Variants in NBEA observed in about 807,000 individuals in gnomAD.
The protein encoded by NBEA is lysosomal-trafficking regulator 2.
Under a neutral mutation model 343.4 loss-of-function variants are expected in NBEA, and 44 were observed. The observed-to-expected ratio is 0.13, with a 90% CI of 0.10 to 0.16. NBEA has a LOEUF of 0.16. Among genes scored for constraint, NBEA ranks in the 10% least tolerant of loss-of-function variants. NBEA has a pLI of 1.00. For missense variants in NBEA, 2,555 were observed against 3,631.3 expected, an observed-to-expected ratio of 0.70 and a Z score of 7.62; for synonymous variants, 1,175 against 1,238.7, an observed-to-expected ratio of 0.95 and a Z score of 1.08.
chr13:35,501,778 C>T (rs2076896156), intron 41 of NBEA, among the ~76,000 whole-genome samples: 1 of 151,994 alleles, frequency 6.6e-6, no homozygotes, highest in Non-Finnish European at 1.5e-5. Flanking sequence ...CTATACATTC[C>T]ATGCCAAGTT....
At chr13:35,386,332 G>A (rs1012876082) in intron 38 of NBEA, among the ~76,000 whole-genome samples, 6 of 152,022 alleles carry the variant, frequency 3.9e-5, no homozygotes, top group Admixed American at 3.3e-4. Context: ...ATTTTCATCC[G>A]TACATTTGTG....
intron 40 of NBEA, among the ~76,000 whole-genome samples, chr13:35,460,683 A>C (rs1430558772): frequency 6.6e-6 from 1 of 152,230 alleles, no homozygotes; most frequent in Non-Finnish European, 1.5e-5. Context: ...AGGTACTCTT[A>C]ATTGTAACAA....
At chr13:34,974,108 G>T (rs1431976164) in intron 1 of NBEA, among the ~76,000 whole-genome samples, 3 of 152,176 alleles carry the variant, frequency 2.0e-5, no homozygotes, top group African/African-American at 4.8e-5. Flanking sequence ...TTCACTTGGT[G>T]GGGGAGGTTC....
At chr13:35,519,750 T>G (rs1176730440) in intron 41 of NBEA, among the ~76,000 whole-genome samples, 2 of 152,236 alleles carry the variant, frequency 1.3e-5, no homozygotes, top group Non-Finnish European at 2.9e-5. Context: ...GGATATTACC[T>G]GAAGCATTTA....
intron 35 of NBEA, among the ~76,000 whole-genome samples, chr13:35,308,438 C>CTATATATA (rs5802761): frequency 6.7e-5 from 6 of 88,988 alleles, no homozygotes; most frequent in African/African-American, 1.9e-4. Context: ...CTGCTATTTA[C>CTATATATA]TATATATATA....
intron 38 of NBEA, among the ~76,000 whole-genome samples, chr13:35,376,754 G>A (rs2152888218): frequency 6.6e-6 from 1 of 152,226 alleles, no homozygotes; most frequent in East Asian, 1.9e-4. Context: ...ACTGTTGAAG[G>A]AGAAGGAGAT....
intron 27 of NBEA, among the ~76,000 whole-genome samples, chr13:35,174,844 G>C (rs1421680628): frequency 2.0e-5 from 3 of 151,456 alleles, no homozygotes; most frequent in Non-Finnish European, 4.4e-5. Flanking sequence ...CCAGGGTGGA[G>C]TGGAGTGGCA....
intron 10 of NBEA, among the ~76,000 whole-genome samples, chr13:35,091,473 A>G (rs752229958): frequency 6.6e-6 from 1 of 152,006 alleles, no homozygotes; most frequent in African/African-American, 2.4e-5. Flanking sequence ...AATGAAAGTC[A>G]TACAGATTAT....
intron 17 of NBEA, among the ~76,000 whole-genome samples, chr13:35,124,633 C>CATATATATGGATATACAT (rs2066995082): frequency 1.2e-5 from 1 of 81,676 alleles, no homozygotes; most frequent in Non-Finnish European, 3.6e-5. Flanking sequence ...GATATACATA[C>CATATATATGGATATACAT]ACACACATAT....
At chr13:35,508,950 T>G (rs59889208) in intron 41 of NBEA, among the ~76,000 whole-genome samples, 6,604 of 152,188 alleles carry the variant, frequency 0.043, 514 homozygotes, top group African/African-American at 0.15. Context: ...CATGCCCTAA[T>G]GGGAAAGGAA....
chr13:35,386,754 C>T (rs117104547), intron 38 of NBEA, among the ~76,000 whole-genome samples: 4,496 of 152,160 alleles, frequency 0.03, 102 homozygotes, highest in Non-Finnish European at 0.045. Flanking sequence ...ATTTTCTAAA[C>T]CTCTGTTTAA....
intron 47 of NBEA, among the ~76,000 whole-genome samples, chr13:35,605,448 A>G (rs528999920): frequency 6.6e-6 from 1 of 152,288 alleles, no homozygotes; most frequent in African/African-American, 2.4e-5. Flanking sequence ...TTTTCTATGC[A>G]TCCCTAGAAA....
At chr13:35,031,024 G>C (rs1308278915) in intron 1 of NBEA, among the ~76,000 whole-genome samples, 1 of 151,554 alleles carries the variant, frequency 6.6e-6, no homozygotes, top group East Asian at 1.9e-4. Context: ...ACCAGACTCT[G>C]CTAAAGCAGT....
At chr13:35,666,637 G>A (rs1247542840) in intron 56 of NBEA, among the ~76,000 whole-genome samples, 2 of 152,048 alleles carry the variant, frequency 1.3e-5, no homozygotes, top group African/African-American at 2.4e-5. Context: ...TTCATACATT[G>A]TTTTGTGGAA....
chr13:35,306,556 C>G (rs1566594393), intron 35 of NBEA, among the ~76,000 whole-genome samples: 1 of 151,924 alleles, frequency 6.6e-6, no homozygotes, highest in Non-Finnish European at 1.5e-5. Flanking sequence ...TTCATTGTCT[C>G]TCATTATTTG....
chr13:35,552,006 G>A (rs1424777468), intron 43 of NBEA, among the ~76,000 whole-genome samples: 2 of 152,088 alleles, frequency 1.3e-5, no homozygotes, highest in African/African-American at 4.8e-5. Context: ...AGGTTTTATG[G>A]AAAAAGATAC....
chr13:35,054,971 C>G (rs150090412), intron 6 of NBEA, among the ~76,000 whole-genome samples: 2 of 152,046 alleles, frequency 1.3e-5, no homozygotes, highest in East Asian at 3.9e-4. Context: ...TTGAAATGAA[C>G]AAAATTGAAT....
chr13:35,302,980 G>A (rs1431958496), intron 35 of NBEA, among the ~76,000 whole-genome samples: 1 of 152,016 alleles, frequency 6.6e-6, no homozygotes, highest in Non-Finnish European at 1.5e-5. Flanking sequence ...TGAAAAATTG[G>A]TATTTCAATT....
At chr13:35,194,573 T>G (rs2152740847) in intron 30 of NBEA, among the ~76,000 whole-genome samples, 1 of 152,206 alleles carries the variant, frequency 6.6e-6, no homozygotes, top group South Asian at 2.1e-4. Flanking sequence ...TAGCTAACAT[T>G]TACTGAGCTT....
Sources: gnomAD v4.1 joint callset for allele counts (sites outside exome capture counted in the v4.1 genomes callset) on GRCh38, gnomAD v4.1.1 for gene constraint, MANE v1.5 for transcripts, NCBI Gene and HGNC (gene_info 2026-07-23, HGNC 2026-07-21) for gene names.